KLRG1: variants seen among roughly 807,000 people sequenced by gnomAD.
KLRG1 encodes the protein killer cell lectin like receptor G1, also known as killer cell lectin-like receptor subfamily G member 1.
A neutral mutation model predicts 21.8 loss-of-function variants in KLRG1; 16 were observed. That is an observed-to-expected ratio of 0.73 (90% confidence interval 0.50 to 1.11). The LOEUF (loss-of-function observed/expected upper bound fraction) is 1.11, where lower values mean the gene tolerates loss of function less well. Ranked by LOEUF, KLRG1 falls within the 50% of genes most tolerant of loss-of-function variation. The pLI is 0.00. For synonymous variants in KLRG1, 69 were observed against 75.9 expected (o/e 0.91, Z 0.47); for missense variants, 173 against 218.3 (o/e 0.79, Z 1.31).
intron 1 of KLRG1, among the ~76,000 whole-genome samples, chr12:8,983,990 C>T (rs955497718): frequency 7.9e-5 from 12 of 152,054 alleles, no homozygotes; most frequent in African/African-American, 2.4e-4. Flanking sequence ...AATTCCTTTC[C>T]GATTTCATTA....
chr12:9,189,448 A>T, the KLRG1 span, among the ~76,000 whole-genome samples: 1 of 152,226 alleles, frequency 6.6e-6, no homozygotes, highest in Non-Finnish European at 1.5e-5. Flanking sequence ...TAGGCAGAAG[A>T]TTGAAACTGG....
At chr12:9,190,644 A>ACACG in the KLRG1 span, among the ~76,000 whole-genome samples, 1 of 152,184 alleles carries the variant, frequency 6.6e-6, no homozygotes, top group African/African-American at 2.4e-5. Flanking sequence ...AAACCCCATG[A>ACACG]CACGAGTTTA....
chr12:9,097,976 T>C, the KLRG1 span, among the ~76,000 whole-genome samples: 4 of 152,266 alleles, frequency 2.6e-5, no homozygotes, highest in African/African-American at 9.6e-5. Context: ...TTAGCCTGTA[T>C]AGCCTCAGTG....
the KLRG1 span, among the ~76,000 whole-genome samples, chr12:9,023,410 T>G: frequency 6.6e-6 from 1 of 152,324 alleles, no homozygotes; most frequent in Admixed American, 6.5e-5. Context: ...CTATTCAATC[T>G]TTTGCATTAT....
chr12:8,963,532 G>A (rs1280586469), intron 1 of KLRG1, among the ~76,000 whole-genome samples: 2 of 152,182 alleles, frequency 1.3e-5, no homozygotes, highest in East Asian at 1.9e-4. Context: ...TTGGTATCAG[G>A]ATGATGCTGG....
At chr12:9,026,746 A>C in the KLRG1 span, among the ~76,000 whole-genome samples, 2 of 151,356 alleles carry the variant, frequency 1.3e-5, no homozygotes, top group African/African-American at 2.4e-5. Flanking sequence ...CCACCTGCTT[A>C]TTTGTCAGTC....
At chr12:9,093,051 T>C in the KLRG1 span, among the ~76,000 whole-genome samples, 1 of 152,078 alleles carries the variant, frequency 6.6e-6, no homozygotes, top group Admixed American at 6.6e-5. Context: ...CTAAAAGAAG[T>C]TGAATACATA....
intron 3 of KLRG1, among the ~76,000 whole-genome samples, chr12:8,998,786 C>T (rs1029584795): frequency 2.0e-5 from 3 of 151,914 alleles, no homozygotes; most frequent in African/African-American, 7.3e-5. Flanking sequence ...ATATGTTCAA[C>T]AAGACAACTT....
the KLRG1 span, chr12:9,202,280 C>T: frequency 6.5e-7 from 1 of 1,544,334 alleles, no homozygotes. Context: ...AGTATTCCCA[C>T]TCTACCCACA....
chr12:9,095,561 T>C, the KLRG1 span: 29 of 1,611,960 alleles, frequency 1.8e-5, no homozygotes, highest in Non-Finnish European at 2.5e-5. Flanking sequence ...GTACATATCC[T>C]TTTCATTTGT....
chr12:9,090,084 C>T, the KLRG1 span: 5 of 1,552,934 alleles, frequency 3.2e-6, no homozygotes, highest in East Asian at 1.1e-4. Flanking sequence ...CCTCCAAACT[C>T]AAGATTTAGA....
intron 3 of KLRG1, 68 bp from the exon 4 acceptor site, chr12:9,008,907 A>G (rs753895983): frequency 6.0e-5 from 60 of 1,005,306 alleles, no homozygotes; most frequent in African/African-American, 8.1e-5. Flanking sequence ...TAGGAATCCA[A>G]TGTGGAAAGG....
At chr12:9,187,226 A>C in the KLRG1 span, among the ~76,000 whole-genome samples, 7 of 151,762 alleles carry the variant, frequency 4.6e-5, no homozygotes, top group African/African-American at 1.7e-4. Flanking sequence ...AGAGACTCAG[A>C]CTCCCACACA....
chr12:9,027,813 AC>A, the KLRG1 span: 1 of 1,205,138 alleles, frequency 8.3e-7, no homozygotes, highest in African/African-American at 1.5e-5. Context: ...CACCAAAGCC[AC>A]CATGACCATG....
chr12:9,189,861 T>C, the KLRG1 span, among the ~76,000 whole-genome samples: 2 of 152,022 alleles, frequency 1.3e-5, no homozygotes, highest in Non-Finnish European at 2.9e-5. Flanking sequence ...CAAAAGAAGA[T>C]ATACATGTGG....
At chr12:9,173,309 G>C in the KLRG1 span, among the ~76,000 whole-genome samples, 2 of 152,194 alleles carry the variant, frequency 1.3e-5, no homozygotes, top group African/African-American at 4.8e-5. Context: ...CAATCTCTGG[G>C]ATGCAGCTAA....
At chr12:9,109,330 A>C in the KLRG1 span, 1 of 1,611,852 alleles carries the variant, frequency 6.2e-7, no homozygotes, top group Admixed American at 1.7e-5. Flanking sequence ...CAGGCCACAC[A>C]CTGATACATT....
chr12:9,152,296 C>T, the KLRG1 span: 38 of 1,612,842 alleles, frequency 2.4e-5, no homozygotes, highest in Middle Eastern at 1.6e-4. Flanking sequence ...GGAAGCAGGA[C>T]GGTTTCCTGT....
At chr12:9,185,998 G>A in the KLRG1 span, among the ~76,000 whole-genome samples, 3 of 151,646 alleles carry the variant, frequency 2.0e-5, no homozygotes, top group Non-Finnish European at 2.9e-5. Flanking sequence ...AGTAGAGATG[G>A]GGTTTCACCA....
Sources: allele counts gnomAD v4.1 joint callset (sites outside exome capture counted in the v4.1 genomes callset), GRCh38; gene constraint gnomAD v4.1.1; transcripts MANE v1.5; gene names NCBI Gene and HGNC (gene_info 2026-07-23, HGNC 2026-07-21).